ZNF541: variants seen among roughly 807,000 people sequenced by gnomAD.
ZNF541 encodes zinc finger protein 541.
Under a neutral mutation model 123.5 loss-of-function variants are expected in ZNF541, and 23 were observed. That is an observed-to-expected ratio of 0.19 (90% CI 0.13 to 0.26). The LOEUF is 0.26. Ranked by LOEUF, ZNF541 falls within the 10% of genes least tolerant of loss-of-function variation. The pLI is 1.00. For missense variants in ZNF541, 1,612 were observed against 1,789.9 expected (o/e 0.90, Z 1.79); for synonymous variants, 751 against 754.5 (o/e 1.00, Z 0.08).
intron 4 of ZNF541, among the ~76,000 whole-genome samples, chr19:47,547,294 C>T (rs1355221868): frequency 1.3e-5 from 2 of 152,058 alleles, no homozygotes; most frequent in African/African-American, 2.4e-5. Flanking sequence ...TACAGAGGCC[C>T]AATCCATAGA....
At chr19:47,528,042 C>A (rs1289047010) in intron 14 of ZNF541, among the ~76,000 whole-genome samples, 2 of 137,016 alleles carry the variant, frequency 1.5e-5, no homozygotes, top group Non-Finnish European at 3.1e-5. Context: ...GGGCCGGGCG[C>A]CGTGGCTCAC....
chr19:47,566,810 G>C (rs1302305306), intron 2 of ZNF541, among the ~76,000 whole-genome samples: 1 of 151,948 alleles, frequency 6.6e-6, no homozygotes. Context: ...CCAGCACTTT[G>C]GGAGGCTGAG....
intron 10 of ZNF541, 65 bp downstream of exon 10, chr19:47,532,844 G>A: frequency 6.7e-7 from 1 of 1,492,546 alleles, no homozygotes; most frequent in Non-Finnish European, 9.1e-7. Flanking sequence ...AGGAACCCTT[G>A]GGAAAAGTGA....
Position 47,531,632 on chromosome 19 carries a change from T to C in ZNF541, c.3405+10A>G, listed in dbSNP as rs1969577260. The stretch of plus-strand genomic sequence containing the variant: ...AGGAAAGCAGGGAGGGTCCCCTTGC[T>C]GTTCCTCACCTGAACGTTGCCCTGA... On this transcript the variant is annotated intron_variant, in intron 12 of 16. Transcript: ENST00000391901. 2.0e-6 allele frequency: 3 copies of C among 1,526,766 alleles called. No homozygotes were observed. The highest frequency in any genetic ancestry group is 2.7e-6 in the Non-Finnish European group (3 of 1,128,824). 94.6% of individuals were successfully genotyped at this position (1,526,766 alleles called of 1,614,324 possible).
At chr19:47,571,155 C>G (rs1220893017) in intron 2 of ZNF541, among the ~76,000 whole-genome samples, 1 of 151,336 alleles carries the variant, frequency 6.6e-6, no homozygotes, top group East Asian at 2.0e-4. Context: ...CTCTGTTGCC[C>G]AGGTTGGAGT....
rs180739757 is a variant in ZNF541, at chr19:47,564,533, T to A, written c.-99+7363A>T. Among the ~76,000 whole-genome samples, 20 of 152,306 alleles carry A rather than the reference T, an allele frequency of 1.3e-4. No individual in the cohort carries two copies. In the East Asian group the frequency reaches 3.9e-3, roughly 29 times the overall value. On this transcript the variant is annotated intron_variant, in intron 2 of 16. Transcript: ENST00000391901. ...GACCCAAATACTCTTTCCAAGAATTTTATCATTTTGTGTTTTCATTTAAAT... is the reference window on the plus strand; with the variant it reads ...GACCCAAATACTCTTTCCAAGAATTATATCATTTTGTGTTTTCATTTAAAT...
rs1270017132 is a variant in ZNF541 at position 47,545,556 on chromosome 19, C to T, written c.973G>A (p.Ala325Thr). Residue 325 changes from alanine (A) to threonine (T), a missense_variant, in exon 5 of 17, where the codon GCG becomes ACG. Ala to Thr is a moderately conservative substitution (Grantham distance 58). Around this residue, in one of 5 missense-constraint regions of ZNF541, gnomAD observed 1,080 missense variants for 1,013.8 expected, o/e 1.07. Transcript: ENST00000391901. This position sits in a 1 kb window ranked among gnomAD's most constrained non-coding sequence, Gnocchi z 7.5. ...SSSCTPAGPH[A>T]APAALDTELP... is the part of the protein sequence containing the mutation. ...TCGGTGTCCAGCGCTGCTGGGGCCG[C>T]GTGGGGGCCGGCTGGGGTGCAGGAC... 2.6e-6 allele frequency: 4 copies of T among 1,537,646 alleles called. No homozygotes were observed. Among genetic ancestry groups the T allele is most frequent in the Non-Finnish European group, 2.6e-6 (3 of 1,138,930 alleles).
At chr19:47,561,143 ATAC>A (rs1971045852) in intron 2 of ZNF541, among the ~76,000 whole-genome samples, 1 of 152,218 alleles carries the variant, frequency 6.6e-6, no homozygotes, top group South Asian at 2.1e-4. Flanking sequence ...ACCTGACATT[ATAC>A]CATAGTCAAA....
chr19:47,532,870 T>C lies in ZNF541; in HGVS notation c.3158+39A>G, dbSNP rs767303630. ...GGAAAAGTGACACTAGAACTCAAGG[T>C]GGGGTAAAAGCAGCTTCACTGGAAA... On this transcript the variant is annotated intron_variant, in intron 10 of 16. Transcript: ENST00000391901. 10 of 1,542,050 alleles carry C rather than the reference T, an allele frequency of 6.5e-6. No individual in the cohort carries two copies. In the South Asian group the frequency reaches 1.2e-4, roughly 19 times the overall value.
intron 10 of ZNF541, 112 bp from the exon 11 acceptor site, chr19:47,532,382 A>G (rs1969614880): frequency 7.9e-7 from 1 of 1,260,170 alleles, no homozygotes; most frequent in Non-Finnish European, 1.1e-6. Context: ...GCTCCATGGA[A>G]ACCCTCTGCT....
chr19:47,526,391 A>G (rs1185713556), intron 14 of ZNF541, among the ~76,000 whole-genome samples: 1 of 150,874 alleles, frequency 6.6e-6, no homozygotes, highest in African/African-American at 2.4e-5. Flanking sequence ...CTAAGGCAGG[A>G]GCATCGCTTG....
chr19:47,547,494 T>C (rs1366390676), intron 4 of ZNF541, among the ~76,000 whole-genome samples: 1 of 152,100 alleles, frequency 6.6e-6, no homozygotes, highest in East Asian at 1.9e-4. Context: ...AATCATAAAG[T>C]CTTTCCCCAA....
intron 3 of ZNF541, among the ~76,000 whole-genome samples, chr19:47,549,809 A>C (rs1970520303): frequency 6.6e-6 from 1 of 152,080 alleles, no homozygotes; most frequent in African/African-American, 2.4e-5. Flanking sequence ...TATTATCCAA[A>C]ACCTTGGAAA....
At chr19:47,530,512 GTAAGCCCCCTGAGGGCAGGGA>G in intron 12 of ZNF541, among the ~76,000 whole-genome samples, 1 of 152,116 alleles carries the variant, frequency 6.6e-6, no homozygotes, top group East Asian at 1.9e-4. Flanking sequence ...TTCCTAAAAT[GTAAGCCCCCTGAGGGCAGGGA>G]TTTTATCTCA....
At chr19:47,531,838 G>T in intron 11 of ZNF541, 93 bp from the exon 12 acceptor site, 1 of 1,159,452 alleles carries the variant, frequency 8.6e-7, no homozygotes, top group Non-Finnish European at 1.2e-6. Context: ...GAGAGGGGGT[G>T]CCTTCCCCTT....
At chr19:47,573,255 C>T (rs1230591599), upstream of ZNF541, among the ~76,000 whole-genome samples, 3 of 151,774 alleles carry the variant, frequency 2.0e-5, no homozygotes, top group Admixed American at 1.3e-4. Flanking sequence ...CGCCTCACGC[C>T]TCCCAGAGCG....
chr19:47,543,986 A>C, intron 5 of ZNF541, 140 bp downstream of exon 5: 1 of 1,183,684 alleles, frequency 8.4e-7, no homozygotes, highest in East Asian at 2.6e-5. Context: ...GGAAAACCAC[A>C]ATCTTTCGGA....
Position 47,545,202 on chromosome 19 carries a change from C to A in ZNF541, c.1327G>T (p.Glu443Ter). The change falls in exon 5 of 17, where the codon GAG (glutamate) becomes TAG (stop). Residue 443 changes from glutamate to a stop codon, truncating the protein, a stop_gained. Transcript: ENST00000391901. LOFTEE classifies it high-confidence loss of function. This position sits in a 1 kb window ranked among gnomAD's most constrained non-coding sequence, Gnocchi z 7.5. ...VHKPSAVPSR[E>*]GSESGPGPSS... ...GGTCCCGGGCCAGACTCGGAGCCCTCCCGCGAGGGCACGGCCGAGGGCTTG... is the reference window on the plus strand; with the variant it reads ...GGTCCCGGGCCAGACTCGGAGCCCTACCGCGAGGGCACGGCCGAGGGCTTG... The A allele has an allele frequency of 6.5e-7, 1 of 1,526,718 alleles. No homozygotes were observed. The allele number at this position is 1,526,718 out of a possible 1,614,324, so 94.6% of individuals were successfully genotyped here.
At chr19:47,562,613 G>A (rs1363773304) in intron 2 of ZNF541, among the ~76,000 whole-genome samples, 3 of 152,086 alleles carry the variant, frequency 2.0e-5, no homozygotes, top group Non-Finnish European at 4.4e-5. Flanking sequence ...TTCGAATCAT[G>A]GAAGCTTGAG....
Sources: gnomAD v4.1 joint callset for allele counts (sites outside exome capture counted in the v4.1 genomes callset) on GRCh38, gnomAD v4.1.1 for gene constraint, gnomAD v4.1.1 regional missense constraint, Gnocchi (gnomAD v3.1) non-coding constraint, MANE v1.5 for transcripts, NCBI Gene and HGNC (gene_info 2026-07-23, HGNC 2026-07-21) for gene names.